ADAM22: variants seen among roughly 807,000 people sequenced by gnomAD.
The protein encoded by ADAM22 is ADAM metallopeptidase domain 22, also known as disintegrin and metalloproteinase domain-containing protein 22.
Under a neutral mutation model 144.6 loss-of-function variants are expected in ADAM22, and 65 were observed. The ratio of observed to expected loss-of-function variants is 0.45; its 90% CI spans 0.37 to 0.55. The LOEUF is 0.55. Ranked by LOEUF, ADAM22 falls within the 20% of genes least tolerant of loss-of-function variation. The pLI, the probability that ADAM22 is intolerant of heterozygous loss-of-function variation, is 0.00. For synonymous variants in ADAM22, 391 were observed against 412.6 expected (o/e 0.95, Z 0.63); for missense variants, 974 against 1,184.9 (o/e 0.82, Z 2.61).
At chr7:88,142,595 T>C (rs1475285540) in intron 14 of ADAM22, among the ~76,000 whole-genome samples, 1 of 152,088 alleles carries the variant, frequency 6.6e-6, no homozygotes, top group Non-Finnish European at 1.5e-5. Flanking sequence ...TCCCAGCACT[T>C]TGGGAGGCCG....
chr7:88,105,602 G>A (rs1585759382), intron 4 of ADAM22, among the ~76,000 whole-genome samples: 1 of 152,264 alleles, frequency 6.6e-6, no homozygotes, highest in East Asian at 1.9e-4. Context: ...CAACACAACA[G>A]AATAAAAGAA....
intron 3 of ADAM22, among the ~76,000 whole-genome samples, chr7:87,980,985 CG>C (rs1237460671): frequency 6.6e-6 from 1 of 152,108 alleles, no homozygotes; most frequent in East Asian, 1.9e-4. Context: ...AAACATTCTT[CG>C]GAAAGAAGAA....
intron 4 of ADAM22, among the ~76,000 whole-genome samples, chr7:88,076,688 G>A (rs2129481035): frequency 6.6e-6 from 1 of 152,344 alleles, no homozygotes; most frequent in South Asian, 2.1e-4. Flanking sequence ...GCATAAGAAT[G>A]TGGCGGTTTT....
chr7:88,033,097 G>A (rs2129469764), intron 3 of ADAM22, among the ~76,000 whole-genome samples: 1 of 152,284 alleles, frequency 6.6e-6, no homozygotes, highest in Non-Finnish European at 1.5e-5. Context: ...GATGCTTATG[G>A]ATGTTCATTG....
At chr7:87,978,086 T>C (rs1283169567) in intron 2 of ADAM22, among the ~76,000 whole-genome samples, 1 of 152,218 alleles carries the variant, frequency 6.6e-6, no homozygotes, top group African/African-American at 2.4e-5. Flanking sequence ...AATGAAATGC[T>C]TAACCACTTG....
intron 26 of ADAM22, among the ~76,000 whole-genome samples, chr7:88,177,044 C>T (rs1217265415): frequency 1.3e-5 from 2 of 152,036 alleles, no homozygotes; most frequent in African/African-American, 2.4e-5. Flanking sequence ...GGATTACAGG[C>T]GTGAGCCACC....
intron 2 of ADAM22, among the ~76,000 whole-genome samples, chr7:87,974,996 C>A (rs1392459181): frequency 6.6e-6 from 1 of 152,180 alleles, no homozygotes; most frequent in Admixed American, 6.5e-5. Context: ...TCCAGATAAT[C>A]CAGGATAATC....
chr7:87,951,114 C>T lies in ADAM22; in HGVS notation c.246+15928C>T, dbSNP rs1444419306. Among the ~76,000 whole-genome samples the T allele has an allele frequency of 2.6e-5, 4 of 151,894 alleles. No homozygotes were observed. The South Asian group carries it at 8.3e-4, about 32-fold the overall frequency. On this transcript the variant is annotated intron_variant, in intron 2 of 31. Transcript: ENST00000413139. ...TGCCTGTTCACTCTGATGGTAGTTT[C>T]TTTTGCTGTGCAGAAGTTCTTTAGT...
intron 13 of ADAM22, among the ~76,000 whole-genome samples, chr7:88,135,324 A>C: frequency 6.7e-6 from 1 of 150,064 alleles, no homozygotes. Context: ...TGTATAGAGT[A>C]CCTATTATAT....
chr7:88,081,596 T>G (rs901906437), intron 4 of ADAM22, among the ~76,000 whole-genome samples: 5 of 150,144 alleles, frequency 3.3e-5, no homozygotes, highest in African/African-American at 1.2e-4. Flanking sequence ...AAAACCCCAT[T>G]GTCTCAGCCC....
chr7:87,954,502 T>C (rs1237179939), intron 2 of ADAM22, among the ~76,000 whole-genome samples: 2 of 152,244 alleles, frequency 1.3e-5, no homozygotes, highest in Non-Finnish European at 1.5e-5. Context: ...GAGTTTCTGC[T>C]GAGAGATCTG....
In ADAM22 at chr7:88,108,145, A is replaced by G. The variant is rs1030849512; in HGVS notation, c.391-31A>G. The G allele has an allele frequency of 4.4e-6, 7 of 1,589,114 alleles. No individual in the cohort carries two copies. The African/African-American group carries it at 9.5e-5, about 21-fold the overall frequency. ...AAGCAGCTGATTCTCCTTGTGATGC[A>G]AAGACTTACATTCTTTATTTCTGTT... On this transcript the variant is annotated intron_variant, in intron 4 of 31. Transcript: ENST00000413139.
intron 7 of ADAM22, among the ~76,000 whole-genome samples, chr7:88,123,005 T>C (rs1288794927): frequency 1.3e-5 from 2 of 152,226 alleles, no homozygotes; most frequent in Non-Finnish European, 2.9e-5. Context: ...TGTCAAATGC[T>C]TTTCTATGTC....
intron 4 of ADAM22, chr7:88,089,992 T>TA (rs1221901885): frequency 6.6e-6 from 1 of 152,208 alleles, no homozygotes; most frequent in African/African-American, 2.4e-5. Flanking sequence ...TATTGAGGTA[T>TA]AGTTCACATA....
At chr7:88,084,738 A>G (rs2129483747) in intron 4 of ADAM22, among the ~76,000 whole-genome samples, 1 of 152,242 alleles carries the variant, frequency 6.6e-6, no homozygotes, top group Middle Eastern at 3.4e-3. Context: ...TTAAAAAGCA[A>G]CTCTTAAAAC....
intron 30 of ADAM22, among the ~76,000 whole-genome samples, chr7:88,187,315 T>C (rs568529310): frequency 2.6e-5 from 4 of 152,252 alleles, no homozygotes; most frequent in Non-Finnish European, 5.9e-5. Flanking sequence ...AGAAGTGTTA[T>C]ACAGATTCTC....
In ADAM22 at chr7:88,068,839, A is replaced by C. The variant is rs144229030; in HGVS notation, c.324-6787A>C. 2.3e-3 allele frequency among the ~76,000 whole-genome samples: 345 copies of C among 152,300 alleles called. 3 individuals carry two copies. Among genetic ancestry groups the C allele is most frequent in the Non-Finnish European group, 1.6e-3 (106 of 68,024 alleles). ...GTGATTGCTTGGGCTTCCTGACAGCATGGTGGCTGGATTCAAAGGAGAATT... is the reference window on the plus strand; with the variant it reads ...GTGATTGCTTGGGCTTCCTGACAGCCTGGTGGCTGGATTCAAAGGAGAATT... On this transcript the variant is annotated intron_variant, in intron 3 of 31. Coordinates refer to ENST00000413139, the MANE Select transcript of ADAM22 (RefSeq NM_001324418.2).
At chr7:88,052,491 C>A (rs1806768529) in intron 3 of ADAM22, among the ~76,000 whole-genome samples, 1 of 151,156 alleles carries the variant, frequency 6.6e-6, no homozygotes, top group Non-Finnish European at 1.5e-5. Context: ...CAGAGCGAAA[C>A]TGCGTCTGAA....
chr7:87,994,062 T>A (rs1790514865), intron 3 of ADAM22, among the ~76,000 whole-genome samples: 1 of 152,182 alleles, frequency 6.6e-6, no homozygotes, highest in South Asian at 2.1e-4. Flanking sequence ...CTGAATTTCC[T>A]GATATAAAGA....
Sources: gnomAD v4.1 joint callset for allele counts (sites outside exome capture counted in the v4.1 genomes callset) on GRCh38, gnomAD v4.1.1 for gene constraint, MANE v1.5 for transcripts, NCBI Gene and HGNC (gene_info 2026-07-23, HGNC 2026-07-21) for gene names.